The following BEGAIN variants were observed in gnomAD, a reference collection of about 807,000 sequenced individuals.
BEGAIN encodes brain-enriched guanylate kinase-associated protein.
BEGAIN carries 19 observed loss-of-function variants against 35.8 expected under a neutral mutation model. The ratio of observed to expected loss-of-function variants is 0.53; its 90% confidence interval spans 0.37 to 0.78. BEGAIN has a LOEUF of 0.78. Ranked by LOEUF, BEGAIN falls within the 30% of genes least tolerant of loss-of-function variation. BEGAIN has a pLI of 0.00. For synonymous variants in BEGAIN, 462 were observed against 388.6 expected (o/e 1.19, Z -2.22); for missense variants, 795 against 853.6 (o/e 0.93, Z 0.85).
At chr14:100,585,224 CAT>C (rs1566984478) in intron 1 of BEGAIN, among the ~76,000 whole-genome samples, 1,366 of 125,218 alleles carry the variant, frequency 0.011, 30 homozygotes, top group African/African-American at 0.04. Context: ...TCCATCCATC[CAT>C]CCATCCCTCC....
intron 1 of BEGAIN, chr14:100,569,628 C>CGCT (rs1196757966): frequency 6.5e-6 from 1 of 154,486 alleles, no homozygotes; most frequent in East Asian, 1.9e-4. Context: ...GCTTGGCCTG[C>CGCT]GCTGAGCCAG....
In BEGAIN at chr14:100,574,646, C is replaced by T. The variant is rs56201711; in HGVS notation, c.43-6707G>A. 2.0e-3 allele frequency among the ~76,000 whole-genome samples: 308 copies of T among 152,224 alleles called. 1 individual carries two copies. Among genetic ancestry groups the T allele is most frequent in the Non-Finnish European group, 3.1e-3 (209 of 68,018 alleles). On this transcript the variant is annotated intron_variant, in intron 1 of 6. Coordinates refer to ENST00000554140, the MANE Select transcript of BEGAIN (RefSeq NM_001385089.1). Reference sequence around the variant, plus strand: ...ATCTGGCAACGTCGGCCCACATTCCCACGTGGCAACAGTCAGCGGGGCTGG... The same window carrying T: ...ATCTGGCAACGTCGGCCCACATTCCTACGTGGCAACAGTCAGCGGGGCTGG...
At chr14:100,540,684 G>A in intron 5 of BEGAIN, 105 bp from the exon 6 acceptor site, 1 of 792,284 alleles carries the variant, frequency 1.3e-6, no homozygotes, top group Non-Finnish European at 2.1e-6. Context: ...CACAGGGCCT[G>A]CTGTGCGCTC....
intron 1 of BEGAIN, among the ~76,000 whole-genome samples, chr14:100,571,047 C>T (rs2035066336): frequency 2.0e-5 from 3 of 152,256 alleles, no homozygotes; most frequent in East Asian, 3.9e-4. Flanking sequence ...GGCTGGGACC[C>T]CAGGGTGCAC....
At chr14:100,578,603 G>A (rs1437923408) in intron 1 of BEGAIN, among the ~76,000 whole-genome samples, 1 of 152,226 alleles carries the variant, frequency 6.6e-6, no homozygotes, top group Admixed American at 6.5e-5. Flanking sequence ...GAAGTTGGGT[G>A]TGACTGCTGG....
intron 3 of BEGAIN, 127 bp downstream of exon 3, chr14:100,546,361 GGCCCTCGCCCCGC>G (rs2032394773): frequency 1.7e-5 from 1 of 60,174 alleles, no homozygotes; most frequent in African/African-American, 5.5e-5. Flanking sequence ...GCCCCGCCCC[GGCCCTCGCCCCGC>G]CCCGGCCCTC....
In BEGAIN at chr14:100,537,946, C is replaced by A; in HGVS notation, c.*23G>T. The stretch of plus-strand genomic sequence containing the variant: ...ACGTGGGCTGGCGGGGAGCGAACCA[C>A]GGCCAGGCCTGCACGCAGGCGCTCA... On this transcript the variant is annotated 3_prime_UTR_variant, in exon 7 of 7. Coordinates refer to ENST00000554140, the MANE Select transcript of BEGAIN (RefSeq NM_001385089.1). 6.3e-7 allele frequency: 1 copy of A among 1,586,064 alleles called. No homozygotes were observed. Among genetic ancestry groups the A allele is most frequent in the Non-Finnish European group, 8.6e-7 (1 of 1,167,518 alleles).
intron 6 of BEGAIN, among the ~76,000 whole-genome samples, chr14:100,539,636 A>G (rs1028312586): frequency 6.6e-6 from 1 of 151,536 alleles, no homozygotes; most frequent in Non-Finnish European, 1.5e-5. Context: ...TTCAGGCCCC[A>G]CTCAAGGCTC....
intron 6 of BEGAIN, chr14:100,540,269 C>T (rs907572080): frequency 2.3e-5 from 13 of 560,134 alleles, no homozygotes; most frequent in Non-Finnish European, 3.8e-5. Flanking sequence ...CCGGGGTGGG[C>T]CAAAGGGACT....
intron 2 of BEGAIN, among the ~76,000 whole-genome samples, chr14:100,560,852 A>T (rs1834484370): frequency 2.0e-5 from 3 of 152,108 alleles, no homozygotes; most frequent in South Asian, 4.2e-4. Flanking sequence ...GCTGCTCAGG[A>T]CAGACACGAG....
intron 3 of BEGAIN, chr14:100,545,474 T>C (rs1271387019): frequency 1.1e-5 from 11 of 1,009,688 alleles, no homozygotes; most frequent in Non-Finnish European, 1.3e-5. Flanking sequence ...ACTAACTATG[T>C]GATGGGCCCC....
At chr14:100,554,066 C>G (rs1382701647) in intron 2 of BEGAIN, among the ~76,000 whole-genome samples, 1 of 152,248 alleles carries the variant, frequency 6.6e-6, no homozygotes, top group Non-Finnish European at 1.5e-5. Flanking sequence ...TCCTGCTCCC[C>G]TGAAGCCCAT....
In BEGAIN at chr14:100,568,113, G is replaced by A. The variant is rs2034872057; in HGVS notation, c.43-174C>T. On this transcript the variant is annotated intron_variant, in intron 1 of 6. Coordinates refer to ENST00000554140, the MANE Select transcript of BEGAIN (RefSeq NM_001385089.1). This position sits in a 1 kb window ranked among gnomAD's most constrained non-coding sequence, Gnocchi z 7.5. The stretch of plus-strand genomic sequence containing the variant: ...TCCCGGCCGCGGCCCCCGTGACTCA[G>A]TGGGCGCGCCGGGCCGCGGCCGAGT... The A allele has an allele frequency of 9.7e-7, 1 of 1,027,028 alleles. No homozygotes were observed. The highest frequency in any genetic ancestry group is 1.2e-6 in the Non-Finnish European group (1 of 858,660). 63.6% of individuals were successfully genotyped at this position (1,027,028 alleles called of 1,614,324 possible).
Position 100,539,101 on chromosome 14 carries a change from C to T in BEGAIN, c.707G>A (p.Gly236Asp). 6.2e-7 allele frequency: 1 copy of T among 1,609,782 alleles called. No homozygotes were observed. Among genetic ancestry groups the T allele is most frequent in the Non-Finnish European group, 8.5e-7 (1 of 1,177,506 alleles). Residue 236 changes from glycine (G) to aspartate (D), a missense_variant, in exon 7 of 7, where the codon GGC (glycine) becomes GAC (aspartate). Gly to Asp is a moderately conservative substitution (Grantham distance 94). Transcript: ENST00000554140. ...LAFCDGVEKP[G>D]PRPPYKGDIY... is the part of the protein sequence containing the mutation. ...GTCTCCCTTGTAGGGGGGCCGCGGGCCTGGTTTCTCCACCCCGTCGCAGAA... is the reference window on the plus strand; with the variant it reads ...GTCTCCCTTGTAGGGGGGCCGCGGGTCTGGTTTCTCCACCCCGTCGCAGAA...
At position 100,538,442 on chromosome 14, in the gene BEGAIN, C is replaced by A; in HGVS notation, c.1366G>T (p.Gly456Cys). ...GAGAAGCTGCAGGGTGAGGCGCGGC[C>A]GGCAGCGCTCACGGGGTAGGAGTAG... ...GAYSYPVSAA[G>C]RASPCSFSER... Residue 456 changes from glycine (G) to cysteine (C), a missense_variant, in exon 7 of 7, where the codon GGC becomes TGC. Around this residue, in one of 3 missense-constraint regions of BEGAIN, gnomAD observed 664 missense variants for 647.7 expected, o/e 1.03. Coordinates refer to ENST00000554140, the MANE Select transcript of BEGAIN (RefSeq NM_001385089.1). 6.3e-7 allele frequency: 1 copy of A among 1,588,934 alleles called. No individual in the cohort carries two copies. The highest frequency in any genetic ancestry group is 8.5e-7 in the Non-Finnish European group (1 of 1,169,664).
In BEGAIN at chr14:100,538,254, C is replaced by T. The variant is rs2030897521; in HGVS notation, c.1554G>A (p.Leu518=). 1 of 1,566,932 alleles carries T rather than the reference C, an allele frequency of 6.4e-7. No homozygotes were observed. The highest frequency in any genetic ancestry group is 2.3e-5 in the East Asian group (1 of 43,788). ...CAGCCGAGCGGCCGGGACTGAGGCT[C>T]AGGTCGCCGCCCGCCCGCAGGAAGC... ...EPCFLRAGGD[L]SLSPGRSADP... Residue 518 remains leucine, a synonymous_variant, in exon 7 of 7, where the codon CTG becomes CTA. Coordinates refer to ENST00000554140, the MANE Select transcript of BEGAIN (RefSeq NM_001385089.1).
chr14:100,572,717 A>C (rs1319696148), intron 1 of BEGAIN, among the ~76,000 whole-genome samples: 1 of 152,194 alleles, frequency 6.6e-6, no homozygotes. Context: ...TAGGAAGGAA[A>C]GATGGAAAAT....
rs1278506993 is a variant in BEGAIN at position 100,539,248 on chromosome 14, G to A, written c.560C>T (p.Pro187Leu). Residue 187 changes from proline (P) to leucine (L), a missense_variant, in exon 7 of 7, where the codon CCG becomes CTG. Transcript: ENST00000554140. The stretch of plus-strand genomic sequence containing the variant: ...GTCGGCGTAGGCCGGGTGGCAGAGC[G>A]GGGATGGCAGGCTGCAGCCGTGCTT... ...MEKHGCSLPS[P>L]LCHPAYADSV... is the part of the protein sequence containing the mutation. 10 of 1,588,132 alleles carry A rather than the reference G, an allele frequency of 6.3e-6. No homozygotes were observed. The highest frequency in any genetic ancestry group is 1.8e-5 in the Admixed American group (1 of 56,878).
intron 4 of BEGAIN, 151 bp from the exon 5 acceptor site, chr14:100,544,116 G>A: frequency 1.6e-6 from 1 of 613,496 alleles, no homozygotes; most frequent in Non-Finnish European, 2.9e-6. Flanking sequence ...AGCACAGACA[G>A]ACCCTGGTTC....
Sources: allele counts gnomAD v4.1 joint callset (sites outside exome capture counted in the v4.1 genomes callset), GRCh38; gene constraint gnomAD v4.1.1; regional missense constraint gnomAD v4.1.1; non-coding constraint Gnocchi (gnomAD v3.1); transcripts MANE v1.5; gene names NCBI Gene and HGNC (gene_info 2026-07-23, HGNC 2026-07-21).